POU6F2: variants seen among roughly 807,000 people sequenced by gnomAD.
The protein encoded by POU6F2 is POU class 6 homeobox 2.
POU6F2 carries 31 observed loss-of-function variants against 71.3 expected under a neutral mutation model. That is an observed-to-expected ratio of 0.43 (90% CI 0.33 to 0.59). The LOEUF is 0.59. Among genes scored for constraint, POU6F2 ranks in the 20% least tolerant of loss-of-function variants. POU6F2 has a pLI of 0.04. For synonymous variants in POU6F2, 347 were observed against 355.7 expected, an observed-to-expected ratio of 0.98 and a Z score of 0.27; for missense variants, 783 against 856.8, an observed-to-expected ratio of 0.91 and a Z score of 1.07.
intron 8 of POU6F2, among the ~76,000 whole-genome samples, chr7:39,453,309 A>C (rs1458368951): frequency 6.6e-6 from 1 of 152,218 alleles, no homozygotes; most frequent in Non-Finnish European, 1.5e-5. Flanking sequence ...CCCTAATTAA[A>C]AAAAAAAACT....
At chr7:39,311,482 G>A (rs543870416) in intron 4 of POU6F2, among the ~76,000 whole-genome samples, 6 of 152,236 alleles carry the variant, frequency 3.9e-5, no homozygotes, top group South Asian at 4.2e-4. Context: ...CGTAAGCTCC[G>A]CATTGGCAGG....
At chr7:39,027,604 C>T (rs184394727) in intron 1 of POU6F2, among the ~76,000 whole-genome samples, 4 of 152,252 alleles carry the variant, frequency 2.6e-5, no homozygotes, top group Admixed American at 2.6e-4. Context: ...CAAGGAGTTC[C>T]GTGATTAAGA....
intron 2 of POU6F2, among the ~76,000 whole-genome samples, chr7:39,090,004 C>G (rs1791331703): frequency 6.6e-6 from 1 of 151,392 alleles, no homozygotes; most frequent in African/African-American, 2.4e-5. Context: ...CAGCTAAGAG[C>G]CTTGAGCTGA....
At chr7:39,130,632 GA>G (rs1357872248) in intron 2 of POU6F2, among the ~76,000 whole-genome samples, 5 of 151,752 alleles carry the variant, frequency 3.3e-5, no homozygotes, top group African/African-American at 1.2e-4. Flanking sequence ...AAAACTCACT[GA>G]ATCATAATAG....
intron 1 of POU6F2, among the ~76,000 whole-genome samples, chr7:39,039,816 AGTGCATTTG>A (rs1790144510): frequency 6.6e-6 from 1 of 150,998 alleles, no homozygotes; most frequent in East Asian, 2.0e-4. Context: ...TTAGGTGGAG[AGTGCATTTG>A]GAAATCATAC....
At chr7:39,174,995 A>T (rs1793300944) in intron 2 of POU6F2, among the ~76,000 whole-genome samples, 1 of 152,006 alleles carries the variant, frequency 6.6e-6, no homozygotes, top group African/African-American at 2.4e-5. Context: ...CCAGTGTTTG[A>T]TGCTGTTGTC....
chr7:39,088,899 GCTAATA>G (rs1252859301), intron 2 of POU6F2, among the ~76,000 whole-genome samples: 1 of 152,178 alleles, frequency 6.6e-6, no homozygotes, highest in Non-Finnish European at 1.5e-5. Flanking sequence ...CAGGAGAAGG[GCTAATA>G]CTGATGCCCT....
At chr7:39,163,648 C>T (rs1021223664) in intron 2 of POU6F2, among the ~76,000 whole-genome samples, 2 of 152,156 alleles carry the variant, frequency 1.3e-5, no homozygotes, top group African/African-American at 2.4e-5. Flanking sequence ...ACGGTTAAAG[C>T]AATTTCACTA....
chr7:39,375,593 C>A (rs1340140439), intron 5 of POU6F2, among the ~76,000 whole-genome samples: 2 of 151,894 alleles, frequency 1.3e-5, no homozygotes, highest in Non-Finnish European at 2.9e-5. Context: ...GACACAGGGA[C>A]TCGATGGCCA....
intron 2 of POU6F2, among the ~76,000 whole-genome samples, chr7:39,191,389 G>T (rs373155197): frequency 7.9e-5 from 12 of 151,876 alleles, no homozygotes; most frequent in South Asian, 6.3e-4. Flanking sequence ...TAGGGTCATT[G>T]TCTGTGTCTT....
chr7:39,417,414 A>G (rs905710158), intron 6 of POU6F2, among the ~76,000 whole-genome samples: 1 of 152,224 alleles, frequency 6.6e-6, no homozygotes. Context: ...GTTCAAATGT[A>G]GGCCTTTGAA....
chr7:39,152,354 C>A (rs887500658), intron 2 of POU6F2, among the ~76,000 whole-genome samples: 5 of 152,078 alleles, frequency 3.3e-5, no homozygotes, highest in Non-Finnish European at 5.9e-5. Flanking sequence ...CTGGAAAAAA[C>A]CTTTCTGTCC....
At chr7:38,991,411 C>T (rs988462918) in intron 1 of POU6F2, among the ~76,000 whole-genome samples, 1 of 152,114 alleles carries the variant, frequency 6.6e-6, no homozygotes, top group African/African-American at 2.4e-5. Flanking sequence ...TTGTGCCCTG[C>T]ATTTTGATCT....
At chr7:39,054,343 T>C (rs765448979) in intron 1 of POU6F2, among the ~76,000 whole-genome samples, 4 of 152,054 alleles carry the variant, frequency 2.6e-5, no homozygotes, top group Non-Finnish European at 5.9e-5. Context: ...ACAACAGTCA[T>C]GGGCAGCGTA....
intron 5 of POU6F2, among the ~76,000 whole-genome samples, chr7:39,378,354 T>C (rs1786751701): frequency 6.6e-6 from 1 of 152,116 alleles, no homozygotes; most frequent in Non-Finnish European, 1.5e-5. Flanking sequence ...TTCCCATCCT[T>C]CCTTATCCAT....
At chr7:39,000,574 A>G (rs564513967) in intron 1 of POU6F2, among the ~76,000 whole-genome samples, 109 of 150,814 alleles carry the variant, frequency 7.2e-4, no homozygotes, top group African/African-American at 2.3e-3. Flanking sequence ...CACCCTCCCA[A>G]CTTACAATGA....
chr7:39,113,247 G>A (rs1010256532), intron 2 of POU6F2, among the ~76,000 whole-genome samples: 3 of 151,992 alleles, frequency 2.0e-5, no homozygotes, highest in African/African-American at 7.3e-5. Context: ...TATTTTTTAA[G>A]CAACAGGAAA....
chr7:39,091,427 T>C (rs1791361978), intron 2 of POU6F2, among the ~76,000 whole-genome samples: 1 of 152,196 alleles, frequency 6.6e-6, no homozygotes, highest in South Asian at 2.1e-4. Context: ...AATACTGATA[T>C]GGTTTTACTT....
intron 2 of POU6F2, among the ~76,000 whole-genome samples, chr7:39,169,356 C>T (rs958072401): frequency 1.3e-5 from 2 of 152,174 alleles, no homozygotes; most frequent in Non-Finnish European, 2.9e-5. Flanking sequence ...GAATGAAAGT[C>T]TTTGGGAGAA....
Sources: gnomAD v4.1 joint callset for allele counts (sites outside exome capture counted in the v4.1 genomes callset) on GRCh38, gnomAD v4.1.1 for gene constraint, MANE v1.5 for transcripts, NCBI Gene and HGNC (gene_info 2026-07-23, HGNC 2026-07-21) for gene names.